Variants in HSF5 observed in about 807,000 individuals in gnomAD.
The protein encoded by HSF5 is heat shock factor protein 5.
HSF5 carries 5 observed loss-of-function variants against 50.8 expected under a neutral mutation model. The observed-to-expected ratio is 0.10, with a 90% CI of 0.05 to 0.21. The LOEUF (loss-of-function observed/expected upper bound fraction) is 0.21. HSF5 is among the 10% of genes least tolerant of loss of function. HSF5 has a pLI of 1.00. For synonymous variants in HSF5, 307 were observed against 307.4 expected (o/e 1.00, Z 0.02); for missense variants, 564 against 762.6 (o/e 0.74, Z 3.07).
chr17:58,470,931 A>T (rs1675323852), intron 2 of HSF5, among the ~76,000 whole-genome samples: 1 of 152,234 alleles, frequency 6.6e-6, no homozygotes, highest in Non-Finnish European at 1.5e-5. Flanking sequence ...GTCTCAAAAA[A>T]AAAGATGGTA....
At chr17:58,431,456 G>A (rs1033338851) in intron 5 of HSF5, among the ~76,000 whole-genome samples, 4 of 152,040 alleles carry the variant, frequency 2.6e-5, no homozygotes, top group Non-Finnish European at 5.9e-5. Flanking sequence ...CCATATACAT[G>A]GTCTGTCATT....
chr17:58,477,126 T>TTC (rs1318295403), intron 2 of HSF5, among the ~76,000 whole-genome samples: 3 of 148,918 alleles, frequency 2.0e-5, no homozygotes, highest in African/African-American at 7.4e-5. Context: ...CTTTTTTTTT[T>TTC]TTTTTTTTTT....
chr17:58,453,332 G>A (rs1433800915), intron 5 of HSF5, among the ~76,000 whole-genome samples: 5 of 152,118 alleles, frequency 3.3e-5, no homozygotes, highest in South Asian at 4.1e-4. Context: ...AGTGGCTCAC[G>A]CCTGCAATCC....
chr17:58,442,480 T>C (rs1470332530), intron 5 of HSF5, among the ~76,000 whole-genome samples: 3 of 152,218 alleles, frequency 2.0e-5, no homozygotes, highest in South Asian at 2.1e-4. Flanking sequence ...ACACACTTTA[T>C]AGATACTCTT....
chr17:58,460,746 T>C (rs1412891158), intron 4 of HSF5, among the ~76,000 whole-genome samples: 1 of 151,550 alleles, frequency 6.6e-6, no homozygotes, highest in African/African-American at 2.4e-5. Flanking sequence ...CCTGACCTCA[T>C]GATCTGTCCG....
intron 2 of HSF5, among the ~76,000 whole-genome samples, chr17:58,467,987 C>T (rs1460920051): frequency 1.3e-5 from 2 of 152,170 alleles, no homozygotes; most frequent in Admixed American, 1.3e-4. Context: ...GCTTTACATA[C>T]ATTGCCTTTA....
intron 5 of HSF5, among the ~76,000 whole-genome samples, chr17:58,439,904 G>C (rs1598184232): frequency 6.6e-6 from 1 of 151,312 alleles, no homozygotes; most frequent in South Asian, 2.1e-4. Flanking sequence ...AAAAAACAGA[G>C]AGAGAAGTTC....
intron 2 of HSF5, among the ~76,000 whole-genome samples, chr17:58,479,221 C>T (rs748575549): frequency 1.3e-5 from 2 of 151,850 alleles, no homozygotes; most frequent in Non-Finnish European, 2.9e-5. Flanking sequence ...TAAGATTAAA[C>T]CATATTAAAT....
Position 58,487,717 on chromosome 17 carries a change from G to T in HSF5, c.550+8C>A. The stretch of plus-strand genomic sequence containing the variant: ...CTGTGGGCGAGGGCACGGGCAGTCC[G>T]GACTCACCGTGCGGCTCGGGCCGGG... On this transcript the variant is annotated splice_region_variant and intron_variant, in intron 1 of 5. Transcript: ENST00000323777. 7.2e-7 allele frequency: 1 copy of T among 1,391,134 alleles called. No homozygotes were observed. The highest frequency in any genetic ancestry group is 1.8e-5 in the South Asian group (1 of 56,688). The allele number at this position is 1,391,134 out of a possible 1,614,324, so 86.2% of individuals were successfully genotyped here.
intron 5 of HSF5, among the ~76,000 whole-genome samples, chr17:58,428,022 T>C (rs547710174): frequency 1.4e-4 from 22 of 152,370 alleles, no homozygotes; most frequent in Middle Eastern, 3.4e-3. Context: ...TAAAACTTTA[T>C]GGACATTGAA....
Position 58,488,277 on chromosome 17 carries a change from C to CCCCGCCGGGCCGGGGCCTCG in HSF5, c.-23_-4dup. Reference sequence around the variant, plus strand: ...GGGGTGGAGAGCAGCGCCTCCATCGCCCCGCCGGGCCGGGGCCTCGCCCCC... The same window carrying CCCCGCCGGGCCGGGGCCTCG: ...GGGGTGGAGAGCAGCGCCTCCATCGCCCCGCCGGGCCGGGGCCTCGCCCGCCGGGCCGGGGCCTCGCCCCC... On this transcript the variant is annotated 5_prime_UTR_variant, in exon 1 of 6. Transcript: ENST00000323777. The surrounding 1 kb of genome is among the most constrained non-coding windows in gnomAD (Gnocchi z 4.1). The CCCCGCCGGGCCGGGGCCTCG allele has an allele frequency of 1.4e-6, 2 of 1,464,122 alleles. No homozygotes were observed. The highest frequency in any genetic ancestry group is 1.8e-6 in the Non-Finnish European group (2 of 1,121,326). The allele number at this position is 1,464,122 out of a possible 1,614,324, so 90.7% of individuals were successfully genotyped here. A position where few individuals can be genotyped will look rare whatever the true frequency, so the allele number is the denominator to read the frequency against.
At chr17:58,475,099 G>A (rs1303181436) in intron 2 of HSF5, among the ~76,000 whole-genome samples, 1 of 151,924 alleles carries the variant, frequency 6.6e-6, no homozygotes, top group Non-Finnish European at 1.5e-5. Context: ...AAGAGTAACA[G>A]CTCTGAAAAT....
intron 5 of HSF5, among the ~76,000 whole-genome samples, chr17:58,435,510 G>A (rs1402858750): frequency 6.6e-6 from 1 of 152,154 alleles, no homozygotes; most frequent in Non-Finnish European, 1.5e-5. Context: ...TCACGCCACT[G>A]CACTCCAGCC....
chr17:58,476,745 A>G, intron 2 of HSF5: 1 of 1,596,028 alleles, frequency 6.3e-7, no homozygotes, highest in Non-Finnish European at 8.6e-7. Flanking sequence ...ATCTCTTCTG[A>G]AAAAAATGGT....
intron 5 of HSF5, among the ~76,000 whole-genome samples, chr17:58,447,084 C>A (rs938410626): frequency 1.3e-5 from 2 of 151,920 alleles, no homozygotes; most frequent in Non-Finnish European, 2.9e-5. Flanking sequence ...AAGACTGTGC[C>A]ACTGCACTCT....
intron 5 of HSF5, among the ~76,000 whole-genome samples, chr17:58,457,021 G>C (rs1343019525): frequency 6.6e-6 from 1 of 151,110 alleles, no homozygotes; most frequent in African/African-American, 2.4e-5. Context: ...CACTGTGGGA[G>C]GCCGAGGCAG....
chr17:58,435,898 C>CAAAAAAA (rs11458311), intron 5 of HSF5, among the ~76,000 whole-genome samples: 5 of 60,206 alleles, frequency 8.3e-5, no homozygotes, highest in Non-Finnish European at 1.4e-4. Context: ...GACTCCATCT[C>CAAAAAAA]AAAAAAAAAA....
At chr17:58,445,767 G>T (rs1448389295) in intron 5 of HSF5, among the ~76,000 whole-genome samples, 4 of 152,148 alleles carry the variant, frequency 2.6e-5, no homozygotes, top group African/African-American at 9.7e-5. Context: ...TAGAGTTTCA[G>T]ATTTGCAAGA....
rs892947938 is a variant in HSF5, at chr17:58,487,755, G to A, written c.520C>T (p.Pro174Ser). Residue 174 changes from proline to serine, a missense_variant, in exon 1 of 6, where the codon CCG becomes TCG. Physicochemically the swap from Pro to Ser is moderately conservative, Grantham distance 74. This residue lies in a region of HSF5 where 441 missense variants were observed against 533.6 expected (regional missense o/e 0.83). Transcript: ENST00000323777. ...GGCTCGGGCCGGGGCCCCGCGGGCG[G>A]CGGCGGCTGCTGGTGCTGCAGTGGC... ...TAPLQHQQPP[P>S]PAGPRPEPHG... The A allele has an allele frequency of 2.9e-6, 4 of 1,387,138 alleles. No homozygotes were observed. Among genetic ancestry groups the A allele is most frequent in the Admixed American group, 3.9e-5 (1 of 25,778 alleles). 85.9% of individuals were successfully genotyped at this position (1,387,138 alleles called of 1,614,324 possible). A position where few individuals can be genotyped will look rare whatever the true frequency, so the allele number is the denominator to read the frequency against.
Sources: gnomAD v4.1 joint callset for allele counts (sites outside exome capture counted in the v4.1 genomes callset) on GRCh38, gnomAD v4.1.1 for gene constraint, gnomAD v4.1.1 regional missense constraint, Gnocchi (gnomAD v3.1) non-coding constraint, MANE v1.5 for transcripts, NCBI Gene and HGNC (gene_info 2026-07-23, HGNC 2026-07-21) for gene names.